CEP128: variants seen among roughly 807,000 people sequenced by gnomAD.
CEP128 encodes centrosomal protein 128kDa.
CEP128 carries 132 observed loss-of-function variants against 156.7 expected under a neutral mutation model. The observed-to-expected ratio is 0.84, with a 90% CI of 0.73 to 0.97. The LOEUF is 0.97. CEP128 is among the 50% of genes least tolerant of loss of function. CEP128 has a pLI of 0.00. For missense variants in CEP128, 1,252 were observed against 1,281.9 expected, an observed-to-expected ratio of 0.98 and a Z score of 0.36; for synonymous variants, 469 against 448.9, an observed-to-expected ratio of 1.04 and a Z score of -0.57.
At chr14:80,636,076 G>A (rs945360173) in intron 19 of CEP128, among the ~76,000 whole-genome samples, 14 of 152,162 alleles carry the variant, frequency 9.2e-5, no homozygotes, top group Admixed American at 9.2e-4. Flanking sequence ...TTTTGGTTCA[G>A]GGATACTCAA....
In CEP128 at chr14:80,895,939, G is replaced by A. The variant is rs529870122; in HGVS notation, c.573-149C>T. On this transcript the variant is annotated intron_variant, in intron 7 of 24. Transcript: ENST00000555265. ...TATAAACATCTGAAACACGTGGAAG[G>A]CTTGTTAAAACACAGACTGCTGGAT... The A allele has an allele frequency of 4.1e-5, 26 of 630,966 alleles. No homozygotes were observed. In the Middle Eastern group the frequency reaches 2.3e-3, roughly 56 times the overall value. 39.1% of individuals were successfully genotyped at this position (630,966 alleles called of 1,614,324 possible).
chr14:80,840,163 G>A (rs959258014), intron 10 of CEP128, among the ~76,000 whole-genome samples: 2 of 152,052 alleles, frequency 1.3e-5, no homozygotes, highest in Non-Finnish European at 2.9e-5. Flanking sequence ...TGCAAATTAA[G>A]GAAGAGTTGT....
chr14:80,875,147 C>G (rs1888221398), intron 8 of CEP128, among the ~76,000 whole-genome samples: 1 of 152,104 alleles, frequency 6.6e-6, no homozygotes, highest in African/African-American at 2.4e-5. Context: ...GAGAGACTTG[C>G]AAGTAATGGG....
At chr14:80,627,971 T>G (rs1414627323) in intron 19 of CEP128, among the ~76,000 whole-genome samples, 1 of 152,168 alleles carries the variant, frequency 6.6e-6, no homozygotes, top group Non-Finnish European at 1.5e-5. Context: ...GCTGTGTGTG[T>G]GTGTATAAAA....
chr14:80,836,754 C>G (rs548870818), intron 11 of CEP128, among the ~76,000 whole-genome samples: 3 of 152,230 alleles, frequency 2.0e-5, no homozygotes, highest in South Asian at 2.1e-4. Flanking sequence ...AAATCATGCT[C>G]AAAATAAGTA....
intron 23 of CEP128, among the ~76,000 whole-genome samples, chr14:80,505,757 C>T (rs1887941958): frequency 6.6e-6 from 1 of 152,134 alleles, no homozygotes; most frequent in South Asian, 2.1e-4. Context: ...AATATACTTT[C>T]CTTTGATAAA....
chr14:80,700,533 A>G (rs1897040641), intron 19 of CEP128, among the ~76,000 whole-genome samples: 1 of 150,650 alleles, frequency 6.6e-6, no homozygotes, highest in African/African-American at 2.5e-5. Context: ...ACCCCCCCCA[A>G]AAAAGCCATA....
intron 19 of CEP128, among the ~76,000 whole-genome samples, chr14:80,680,708 C>G (rs951938984): frequency 6.6e-6 from 1 of 152,060 alleles, no homozygotes; most frequent in Non-Finnish European, 1.5e-5. Flanking sequence ...TGTAGGCCAC[C>G]CATCAACACC....
intron 19 of CEP128, among the ~76,000 whole-genome samples, chr14:80,610,646 T>G (rs934181529): frequency 7.9e-5 from 12 of 152,186 alleles, no homozygotes; most frequent in Admixed American, 7.9e-4. Flanking sequence ...CTACCAAAAT[T>G]AACAATCCGT....
chr14:80,535,546 A>C (rs1190252966), intron 21 of CEP128, among the ~76,000 whole-genome samples: 1 of 152,208 alleles, frequency 6.6e-6, no homozygotes, highest in Non-Finnish European at 1.5e-5. Flanking sequence ...GGTGCTAAAG[A>C]GTCTGTACTC....
chr14:80,905,978 T>A lies in CEP128; in HGVS notation c.338A>T (p.Asp113Val). 1 of 1,613,276 alleles carries A rather than the reference T, an allele frequency of 6.2e-7. No homozygotes were observed. Among genetic ancestry groups the A allele is most frequent in the African/African-American group, 1.3e-5 (1 of 75,016 alleles). Residue 113 changes from aspartate to valine, a missense_variant, in exon 5 of 25, where the codon GAC becomes GTC. Transcript: ENST00000555265. ...SISVTSLSAS[D>V]LDGGTGSELH... ...ACCTGACCCAGTGCCACCATCAAGG[T>A]CACTTGCACTCAAACTTGTAACAGA...
At chr14:80,795,717 GT>G (rs1883425773) in intron 13 of CEP128, among the ~76,000 whole-genome samples, 1 of 152,076 alleles carries the variant, frequency 6.6e-6, no homozygotes, top group Admixed American at 6.5e-5. Context: ...TTTACCTTTG[GT>G]TTTAGTATGT....
intron 19 of CEP128, among the ~76,000 whole-genome samples, chr14:80,735,399 G>C (rs115294945): frequency 1.3e-5 from 2 of 152,024 alleles, no homozygotes; most frequent in African/African-American, 4.8e-5. Flanking sequence ...ACCACGTTTC[G>C]CACATTTCCA....
intron 2 of CEP128, among the ~76,000 whole-genome samples, chr14:80,935,645 C>A (rs1436071272): frequency 5.2e-4 from 3 of 5,742 alleles, no homozygotes; most frequent in African/African-American, 5.1e-3. Context: ...AGTCCCCCCA[C>A]CAAAAAAAAA....
intron 8 of CEP128, among the ~76,000 whole-genome samples, chr14:80,864,855 C>T (rs1887692523): frequency 6.6e-6 from 1 of 152,170 alleles, no homozygotes; most frequent in Non-Finnish European, 1.5e-5. Context: ...CCATGCCCAG[C>T]CTTTGATTTC....
At chr14:80,652,869 A>G (rs1005903706) in intron 19 of CEP128, among the ~76,000 whole-genome samples, 3 of 152,176 alleles carry the variant, frequency 2.0e-5, no homozygotes, top group Admixed American at 2.0e-4. Context: ...AAATCATTCT[A>G]CTATAAAGAC....
rs540474057 is a variant in CEP128 at position 80,775,481 on chromosome 14, G to A, written c.2376+2401C>T. Among the ~76,000 whole-genome samples, 10 of 152,294 alleles carry A rather than the reference G, an allele frequency of 6.6e-5. No individual in the cohort carries two copies. In the East Asian group the frequency reaches 7.7e-4, roughly 12 times the overall value. On this transcript the variant is annotated intron_variant, in intron 16 of 24. Transcript: ENST00000555265. ...CTACATATAATATAAGCATGTTTGC[G>A]TGTGTATCGTTAAGATTATATGCCA...
At chr14:80,824,225 C>T (rs546280265) in intron 13 of CEP128, among the ~76,000 whole-genome samples, 147 of 152,324 alleles carry the variant, frequency 9.7e-4, no homozygotes, top group African/African-American at 3.4e-3. Flanking sequence ...GATCATGAAA[C>T]CACTTTTTCC....
intron 23 of CEP128, among the ~76,000 whole-genome samples, chr14:80,517,421 T>A (rs1274179838): frequency 6.6e-6 from 1 of 152,110 alleles, no homozygotes; most frequent in South Asian, 2.1e-4. Flanking sequence ...AAATTCTGTA[T>A]TAATTTTTAT....
Sources: gnomAD v4.1 joint callset for allele counts (sites outside exome capture counted in the v4.1 genomes callset) on GRCh38, gnomAD v4.1.1 for gene constraint, MANE v1.5 for transcripts, NCBI Gene and HGNC (gene_info 2026-07-23, HGNC 2026-07-21) for gene names.